The following SLC30A8 variants were observed in gnomAD, a reference collection of about 807,000 sequenced individuals.
SLC30A8 encodes the protein solute carrier family 30 member 8.
A neutral mutation model predicts 36.9 loss-of-function variants in SLC30A8; 27 were observed. The observed-to-expected ratio is 0.73, with a 90% CI of 0.54 to 1.01. The LOEUF is 1.01. Among genes scored for constraint, SLC30A8 ranks in the 50% least tolerant of loss-of-function variants. SLC30A8 has a pLI of 0.00. For synonymous variants in SLC30A8, 164 were observed against 172.4 expected (o/e 0.95, Z 0.38); for missense variants, 439 against 452.0 (o/e 0.97, Z 0.26).
At chr8:117,163,851 C>T (rs746236729) in intron 6 of SLC30A8, 17 of 182,844 alleles carry the variant, frequency 9.3e-5, no homozygotes, top group Admixed American at 7.9e-4. Flanking sequence ...CATAAGTTTA[C>T]CCCCCAGGCT....
chr8:116,953,049 C>G (rs948528155), intron 1 of SLC30A8, among the ~76,000 whole-genome samples: 2 of 151,502 alleles, frequency 1.3e-5, no homozygotes, highest in Non-Finnish European at 1.5e-5. Flanking sequence ...TAGTAGACCC[C>G]CATGTCTATT....
intron 1 of SLC30A8, among the ~76,000 whole-genome samples, chr8:117,037,462 C>T (rs997585332): frequency 6.6e-6 from 1 of 152,102 alleles, no homozygotes; most frequent in Non-Finnish European, 1.5e-5. Context: ...GGTAGGTAGG[C>T]AATGGGATGA....
chr8:117,000,350 CTG>C (rs1021315574), intron 1 of SLC30A8, among the ~76,000 whole-genome samples: 15 of 152,166 alleles, frequency 9.9e-5, no homozygotes, highest in African/African-American at 3.6e-4. Context: ...TCCACCCTCA[CTG>C]TGGGCCCTGA....
intron 1 of SLC30A8, among the ~76,000 whole-genome samples, chr8:116,994,716 AT>A (rs1304401798): frequency 3.0e-4 from 45 of 152,094 alleles, no homozygotes; most frequent in African/African-American, 9.7e-4. Context: ...TAAAAAACTC[AT>A]TGAGTTATAA....
intron 6 of SLC30A8, among the ~76,000 whole-genome samples, chr8:117,168,556 C>T (rs992260750): frequency 1.2e-4 from 19 of 152,150 alleles, no homozygotes; most frequent in African/African-American, 4.6e-4. Context: ...CCAGTGGGGC[C>T]ATGCCTCTTG....
At chr8:116,953,453 C>T (rs1313746841) in intron 1 of SLC30A8, among the ~76,000 whole-genome samples, 1 of 151,844 alleles carries the variant, frequency 6.6e-6, no homozygotes, top group Non-Finnish European at 1.5e-5. Flanking sequence ...ATTATATTTT[C>T]TTCTTGTATA....
At chr8:116,962,847 G>C (rs895006317) in intron 1 of SLC30A8, among the ~76,000 whole-genome samples, 2 of 151,912 alleles carry the variant, frequency 1.3e-5, no homozygotes, top group Admixed American at 1.3e-4. Flanking sequence ...TGGGAGCAGC[G>C]TATGGTTATC....
intron 1 of SLC30A8, among the ~76,000 whole-genome samples, chr8:116,960,193 C>T (rs1814370081): frequency 6.6e-6 from 1 of 152,142 alleles, no homozygotes; most frequent in Admixed American, 6.6e-5. Flanking sequence ...ATGTATGTAG[C>T]CCTAGCTGAA....
At chr8:117,160,747 C>T (rs1822749229) in intron 4 of SLC30A8, among the ~76,000 whole-genome samples, 1 of 152,254 alleles carries the variant, frequency 6.6e-6, no homozygotes, top group African/African-American at 2.4e-5. Context: ...TGAATTTCTA[C>T]CCAAACAATG....
chr8:117,040,054 G>A (rs576681910), intron 2 of SLC30A8, among the ~76,000 whole-genome samples: 8 of 152,162 alleles, frequency 5.3e-5, no homozygotes, highest in African/African-American at 1.7e-4. Flanking sequence ...GCCTGTGTAT[G>A]TACATATGCC....
chr8:117,030,132 G>A (rs1049360755), intron 1 of SLC30A8, among the ~76,000 whole-genome samples: 4 of 151,954 alleles, frequency 2.6e-5, no homozygotes, highest in Admixed American at 6.6e-5. Flanking sequence ...ACCCTCAGTC[G>A]TTCATGGGTA....
chr8:117,018,960 G>C (rs1394311188), intron 1 of SLC30A8, among the ~76,000 whole-genome samples: 1 of 152,146 alleles, frequency 6.6e-6, no homozygotes, highest in African/African-American at 2.4e-5. Flanking sequence ...ACTGCGCCCA[G>C]CCCACCTCTT....
chr8:117,039,938 A>G (rs1252490170), intron 2 of SLC30A8, among the ~76,000 whole-genome samples: 16 of 152,070 alleles, frequency 1.1e-4, no homozygotes, highest in Non-Finnish European at 2.4e-4. Context: ...CCTCCCCCCG[A>G]GCTTTCCCCT....
chr8:117,112,244 A>G (rs1820260508), intron 2 of SLC30A8, among the ~76,000 whole-genome samples: 1 of 152,106 alleles, frequency 6.6e-6, no homozygotes, highest in Admixed American at 6.6e-5. Context: ...CCAGACCTTG[A>G]AAGATGAGAT....
intron 1 of SLC30A8, among the ~76,000 whole-genome samples, chr8:117,143,165 AC>A (rs1277130483): frequency 6.6e-6 from 1 of 152,220 alleles, no homozygotes; most frequent in Non-Finnish European, 1.5e-5. Context: ...CAACAAAAAA[AC>A]ATTAAAAAAT....
chr8:117,000,914 T>C (rs1350145600), intron 1 of SLC30A8, among the ~76,000 whole-genome samples: 2 of 152,244 alleles, frequency 1.3e-5, no homozygotes, highest in African/African-American at 4.8e-5. Context: ...AGTTTAGTAA[T>C]ATACCTAGTA....
At chr8:117,067,286 C>T (rs575022645) in intron 2 of SLC30A8, among the ~76,000 whole-genome samples, 8 of 151,892 alleles carry the variant, frequency 5.3e-5, no homozygotes, top group African/African-American at 1.9e-4. Context: ...ATTGACTCTA[C>T]TGGATTTTAG....
chr8:117,152,946 G>C lies in SLC30A8; in HGVS notation c.274G>C (p.Gly92Arg). ...GTGTACTATTTTGCATTCTCTAGGTGGGCACATTGCTGGGAGTCTTGCTGT... is the reference window on the plus strand; with the variant it reads ...GTGTACTATTTTGCATTCTCTAGGTCGGCACATTGCTGGGAGTCTTGCTGT... ...FIFMIAEVVG[G>R]HIAGSLAVVT... is the part of the protein sequence containing the mutation. The change falls in exon 3 of 8, where the codon GGG becomes CGG. Residue 92 changes from glycine to arginine, a missense_variant and splice_region_variant. Transcript: ENST00000456015. 1 of 1,598,498 alleles carries C rather than the reference G, an allele frequency of 6.3e-7. No homozygotes were observed. The highest frequency in any genetic ancestry group is 8.5e-7 in the Non-Finnish European group (1 of 1,169,672).
At chr8:117,156,692 CATT>C (rs1391629318) in intron 3 of SLC30A8, among the ~76,000 whole-genome samples, 4 of 152,092 alleles carry the variant, frequency 2.6e-5, no homozygotes, top group Admixed American at 1.3e-4. Flanking sequence ...TCATGGATAA[CATT>C]GTTTAGGAAG....
Sources: gnomAD v4.1 joint callset for allele counts (sites outside exome capture counted in the v4.1 genomes callset) on GRCh38, gnomAD v4.1.1 for gene constraint, MANE v1.5 for transcripts, NCBI Gene and HGNC (gene_info 2026-07-23, HGNC 2026-07-21) for gene names.